CDH18: variants seen among roughly 807,000 people sequenced by gnomAD.
The protein encoded by CDH18 is cadherin 18, also known as cadherin-18.
Under a neutral mutation model 67.9 loss-of-function variants are expected in CDH18, and 31 were observed. That is an observed-to-expected ratio of 0.46 (90% CI 0.34 to 0.62). The LOEUF (loss-of-function observed/expected upper bound fraction) is 0.62, where lower values mean the gene tolerates loss of function less well. Among genes scored for constraint, CDH18 ranks in the 20% least tolerant of loss-of-function variants. The pLI is 0.01. For synonymous variants in CDH18, 362 were observed against 347.2 expected (o/e 1.04, Z -0.48); for missense variants, 890 against 975.5 (o/e 0.91, Z 1.17).
chr5:20,126,628 AT>A (rs1187248961), intron 2 of CDH18, among the ~76,000 whole-genome samples: 1 of 152,170 alleles, frequency 6.6e-6, no homozygotes, highest in African/African-American at 2.4e-5. Flanking sequence ...CAAAAACCAA[AT>A]TTCCAAGTTA....
At chr5:20,564,092 A>T (rs1414872399) in intron 1 of CDH18, among the ~76,000 whole-genome samples, 1 of 151,968 alleles carries the variant, frequency 6.6e-6, no homozygotes, top group Non-Finnish European at 1.5e-5. Flanking sequence ...TTAGCATAGT[A>T]ATAATTATAT....
rs545287607 is a variant in CDH18, at chr5:19,647,507, G to C, written c.644-34906C>G. 3.1e-3 allele frequency among the ~76,000 whole-genome samples: 371 copies of C among 118,466 alleles called. 2 individuals carry two copies. The highest frequency in any genetic ancestry group is 5.3e-3 in the Admixed American group (47 of 8,952). 77.7% of individuals were successfully genotyped at this position (118,466 alleles called of 152,430 possible). A position where few individuals can be genotyped will look rare whatever the true frequency, so the allele number is the denominator to read the frequency against. On this transcript the variant is annotated intron_variant, in intron 5 of 12. Coordinates refer to ENST00000382275, the MANE Select transcript of CDH18 (RefSeq NM_004934.5). ...ATCATGCCATTGTACTCCAGCCCAG[G>C]TGACAGAGCGAGACTCCATCAAAAA...
chr5:20,542,039 A>G (rs1242558902), intron 1 of CDH18, among the ~76,000 whole-genome samples: 2 of 152,052 alleles, frequency 1.3e-5, no homozygotes, highest in Non-Finnish European at 2.9e-5. Flanking sequence ...TCAGCCTCCC[A>G]GGTTCAAGGG....
intron 1 of CDH18, among the ~76,000 whole-genome samples, chr5:20,281,058 GT>G (rs1275610960): frequency 6.6e-6 from 1 of 152,028 alleles, no homozygotes; most frequent in East Asian, 1.9e-4. Flanking sequence ...GGGGTTGTTT[GT>G]TTTTTTCTTG....
chr5:19,984,498 G>A (rs1449356279), intron 1 of CDH18, among the ~76,000 whole-genome samples: 2 of 152,128 alleles, frequency 1.3e-5, no homozygotes, highest in Admixed American at 1.3e-4. Context: ...TTTCATCCAT[G>A]AAAATAATAT....
chr5:20,269,404 A>G (rs1022914198), intron 1 of CDH18, among the ~76,000 whole-genome samples: 2 of 152,218 alleles, frequency 1.3e-5, no homozygotes, highest in African/African-American at 2.4e-5. Context: ...TCAATATATC[A>G]AAAACATACC....
At chr5:20,410,520 A>G (rs1399686281) in intron 1 of CDH18, among the ~76,000 whole-genome samples, 1 of 151,724 alleles carries the variant, frequency 6.6e-6, no homozygotes, top group African/African-American at 2.4e-5. Context: ...TATATTATAA[A>G]GAGCAGCAAA....
At chr5:19,532,672 A>C (rs1269480493) in intron 9 of CDH18, among the ~76,000 whole-genome samples, 1 of 152,226 alleles carries the variant, frequency 6.6e-6, no homozygotes, top group African/African-American at 2.4e-5. Context: ...AAGGAAGCTA[A>C]GGTTAGGACC....
intron 11 of CDH18, among the ~76,000 whole-genome samples, chr5:19,486,794 C>CTAAATAAA (rs199784033): frequency 2.3e-4 from 35 of 150,474 alleles, no homozygotes; most frequent in Non-Finnish European, 4.6e-4. Context: ...GACTCTGTCT[C>CTAAATAAA]TAAATAAATA....
intron 2 of CDH18, among the ~76,000 whole-genome samples, chr5:19,980,442 T>C (rs927407188): frequency 7.2e-5 from 11 of 152,132 alleles, no homozygotes; most frequent in Middle Eastern, 3.2e-3. Flanking sequence ...AAAATAAAAA[T>C]TCCACTAAAT....
chr5:20,385,127 A>G (rs1744214082), intron 1 of CDH18, among the ~76,000 whole-genome samples: 1 of 152,156 alleles, frequency 6.6e-6, no homozygotes, highest in Non-Finnish European at 1.5e-5. Context: ...GTGAGCCACC[A>G]CACCTGGCCT....
intron 2 of CDH18, among the ~76,000 whole-genome samples, chr5:19,920,880 T>C (rs1036028878): frequency 1.0e-5 from 1 of 95,756 alleles, no homozygotes; most frequent in African/African-American, 4.0e-5. Context: ...TATATATATG[T>C]ATACCCACAA....
chr5:20,232,249 A>C (rs2126506667), intron 2 of CDH18, among the ~76,000 whole-genome samples: 1 of 152,048 alleles, frequency 6.6e-6, no homozygotes, highest in Admixed American at 6.6e-5. Context: ...TTGTGGATTG[A>C]ATTTGATAAT....
intron 2 of CDH18, among the ~76,000 whole-genome samples, chr5:20,026,826 G>C (rs1738942519): frequency 6.6e-6 from 1 of 152,112 alleles, no homozygotes; most frequent in African/African-American, 2.4e-5. Context: ...GCATGGTGGT[G>C]GGCACCTGTA....
chr5:20,068,934 T>C (rs1404800809), intron 2 of CDH18, among the ~76,000 whole-genome samples: 2 of 152,106 alleles, frequency 1.3e-5, no homozygotes, highest in African/African-American at 4.8e-5. Flanking sequence ...CTAAAATCAT[T>C]TTATCACCCT....
intron 9 of CDH18, among the ~76,000 whole-genome samples, chr5:19,524,214 T>C (rs1579992654): frequency 6.6e-6 from 1 of 151,312 alleles, no homozygotes; most frequent in Admixed American, 6.6e-5. Context: ...GAAAGTAATA[T>C]ATTAATACCT....
At chr5:19,836,068 A>C (rs1163728952) in intron 3 of CDH18, among the ~76,000 whole-genome samples, 1 of 152,158 alleles carries the variant, frequency 6.6e-6, no homozygotes, top group Non-Finnish European at 1.5e-5. Context: ...AAGTTGTCTG[A>C]ATTTCCCTCC....
intron 1 of CDH18, among the ~76,000 whole-genome samples, chr5:20,477,557 C>A (rs768120388): frequency 1.2e-4 from 19 of 152,148 alleles, no homozygotes; most frequent in African/African-American, 4.6e-4. Flanking sequence ...GGGCAGAATT[C>A]GGATAGAGCC....
At chr5:20,034,557 T>C (rs1344517027) in intron 2 of CDH18, among the ~76,000 whole-genome samples, 5 of 152,050 alleles carry the variant, frequency 3.3e-5, no homozygotes, top group African/African-American at 7.2e-5. Context: ...TTTTCCAATA[T>C]TGGTTGGCCT....
Sources: gnomAD v4.1 joint callset for allele counts (sites outside exome capture counted in the v4.1 genomes callset) on GRCh38, gnomAD v4.1.1 for gene constraint, MANE v1.5 for transcripts, NCBI Gene and HGNC (gene_info 2026-07-23, HGNC 2026-07-21) for gene names.